PLXDC2: variants seen among roughly 807,000 people sequenced by gnomAD.
PLXDC2 encodes plexin domain containing 2, also known as plexin domain-containing protein 2.
In PLXDC2, 40 loss-of-function variants were observed where a neutral mutation model predicts 68.9. The ratio of observed to expected loss-of-function variants is 0.58; its 90% CI spans 0.45 to 0.76. The LOEUF (loss-of-function observed/expected upper bound fraction) is 0.76, where lower values mean the gene tolerates loss of function less well. Among genes scored for constraint, PLXDC2 ranks in the 30% least tolerant of loss-of-function variants. PLXDC2 has a pLI of 0.00. For synonymous variants in PLXDC2, 243 were observed against 234.2 expected (o/e 1.04, Z -0.34); for missense variants, 644 against 661.9 (o/e 0.97, Z 0.30).
rs986784306 is a variant in PLXDC2, at chr10:19,972,729, G to A, written c.113-29046G>A. 3.9e-5 allele frequency among the ~76,000 whole-genome samples: 6 copies of A among 152,290 alleles called. No individual in the cohort carries two copies. In the East Asian group the frequency reaches 7.7e-4, roughly 20 times the overall value. ...ATGGATACAGGGGCACAGTTGAGCT[G>A]TTAAAATAGGGAAGAGTTATTTTTA... On this transcript the variant is annotated intron_variant, in intron 1 of 13. Coordinates refer to ENST00000377252, the MANE Select transcript of PLXDC2 (RefSeq NM_032812.9).
intron 4 of PLXDC2, among the ~76,000 whole-genome samples, chr10:20,105,191 G>A (rs947806119): frequency 7.2e-5 from 11 of 151,972 alleles, no homozygotes; most frequent in African/African-American, 2.4e-4. Flanking sequence ...GCCTTTTATT[G>A]GCATATGGTG....
At chr10:20,268,009 G>A (rs1396407834) in intron 13 of PLXDC2, among the ~76,000 whole-genome samples, 2 of 152,060 alleles carry the variant, frequency 1.3e-5, no homozygotes, top group African/African-American at 4.8e-5. Flanking sequence ...GTAAAGGACA[G>A]TAATGAATAT....
rs1018702300 is a variant in PLXDC2, at chr10:20,287,301, A to G, written c.*7482A>G. 2.6e-5 allele frequency: 4 copies of G among 152,174 alleles called. No homozygotes were observed. Among genetic ancestry groups the G allele is most frequent in the Non-Finnish European group, 5.9e-5 (4 of 68,034 alleles). The allele number at this position is 152,174 out of a possible 1,614,324, so 9.4% of individuals were successfully genotyped here. A position where few individuals can be genotyped will look rare whatever the true frequency, so the allele number is the denominator to read the frequency against. On this transcript the variant is annotated 3_prime_UTR_variant, in exon 14 of 14. Transcript: ENST00000377252. ...AGAATTAGTGAATGACCAAAAAGAGACTTTCCATTTATCTTCCTTTGACTT... is the reference window on the plus strand; with the variant it reads ...AGAATTAGTGAATGACCAAAAAGAGGCTTTCCATTTATCTTCCTTTGACTT...
At chr10:20,237,483 T>A (rs959909691) in intron 12 of PLXDC2, among the ~76,000 whole-genome samples, 4 of 152,050 alleles carry the variant, frequency 2.6e-5, no homozygotes, top group Non-Finnish European at 4.4e-5. Context: ...GTTAAAGAGG[T>A]AAGAGAGAAA....
chr10:19,967,357 G>A (rs982803793), intron 1 of PLXDC2, among the ~76,000 whole-genome samples: 8 of 151,982 alleles, frequency 5.3e-5, no homozygotes, highest in Non-Finnish European at 1.2e-4. Flanking sequence ...GAAAGGATAG[G>A]AACTGCACTG....
At chr10:19,915,466 A>G (rs901212759) in intron 1 of PLXDC2, among the ~76,000 whole-genome samples, 79 of 152,326 alleles carry the variant, frequency 5.2e-4, no homozygotes, top group African/African-American at 1.8e-3. Context: ...GAACTACATT[A>G]CAATATATAA....
At chr10:19,939,731 A>G (rs1265232938) in intron 1 of PLXDC2, among the ~76,000 whole-genome samples, 1 of 152,208 alleles carries the variant, frequency 6.6e-6, no homozygotes, top group African/African-American at 2.4e-5. Context: ...CTTCCTTCAT[A>G]TAATGATGTG....
chr10:19,932,882 G>T (rs79509322), intron 1 of PLXDC2, among the ~76,000 whole-genome samples: 1 of 152,088 alleles, frequency 6.6e-6, no homozygotes, highest in Non-Finnish European at 1.5e-5. Flanking sequence ...CATGACTTTG[G>T]GTCAAGTAGA....
rs779946492 is a variant in PLXDC2 at position 20,039,379 on chromosome 10, G to T, written c.325-7490G>T. ...ATGCTGATTTTATTTACGGCAATTA[G>T]TAAAAAAAATTGCACTCTACAGCAG... is the stretch of plus-strand genomic sequence containing the variant. On this transcript the variant is annotated intron_variant, in intron 2 of 13. Coordinates refer to ENST00000377252, the MANE Select transcript of PLXDC2 (RefSeq NM_032812.9). Among the ~76,000 whole-genome samples the T allele has an allele frequency of 3.7e-4, 56 of 152,060 alleles. 1 individual carries two copies. Among genetic ancestry groups the T allele is most frequent in the Non-Finnish European group, 1.3e-4 (9 of 68,022 alleles).
chr10:20,141,173 A>G lies in PLXDC2; in HGVS notation c.542-2122A>G, dbSNP rs182521909. On this transcript the variant is annotated intron_variant, in intron 4 of 13. Coordinates refer to ENST00000377252, the MANE Select transcript of PLXDC2 (RefSeq NM_032812.9). ...AGATTTGGGAAACATTTTCCCGATC[A>G]AAAGAAATAACAGTTAATGGTTTCT... is the stretch of plus-strand genomic sequence containing the variant. 6.5e-4 allele frequency among the ~76,000 whole-genome samples: 99 copies of G among 152,270 alleles called. 1 individual carries two copies. Among genetic ancestry groups the G allele is most frequent in the Admixed American group, 1.8e-3 (28 of 15,298 alleles).
intron 12 of PLXDC2, among the ~76,000 whole-genome samples, chr10:20,224,923 C>T (rs577002260): frequency 3.9e-5 from 6 of 152,146 alleles, no homozygotes; most frequent in East Asian, 1.9e-4. Flanking sequence ...CTTATTGCTG[C>T]GAAGTTTATG....
intron 4 of PLXDC2, among the ~76,000 whole-genome samples, chr10:20,105,329 T>G (rs1450703935): frequency 4.6e-5 from 7 of 152,180 alleles, no homozygotes; most frequent in Non-Finnish European, 1.0e-4. Context: ...ATAACCACAA[T>G]GTACAATGTC....
chr10:19,882,656 A>G (rs1837749990), intron 1 of PLXDC2, among the ~76,000 whole-genome samples: 1 of 152,162 alleles, frequency 6.6e-6, no homozygotes, highest in African/African-American at 2.4e-5. Flanking sequence ...ACAAATGTTA[A>G]GTTCTGAACT....
chr10:19,880,319 C>T (rs1051525191), intron 1 of PLXDC2, among the ~76,000 whole-genome samples: 18 of 152,228 alleles, frequency 1.2e-4, no homozygotes, highest in African/African-American at 4.3e-4. Flanking sequence ...TCCCTGAAAG[C>T]TCAGATAGAA....
chr10:19,873,142 C>G (rs1274273223), intron 1 of PLXDC2, among the ~76,000 whole-genome samples: 1 of 152,116 alleles, frequency 6.6e-6, no homozygotes, highest in Non-Finnish European at 1.5e-5. Flanking sequence ...CGATGTTTGT[C>G]CATGGAGTTC....
At position 19,890,190 on chromosome 10, in the gene PLXDC2, G is replaced by T. The variant is rs374342725; in HGVS notation, c.112+72999G>T. On this transcript the variant is annotated intron_variant, in intron 1 of 13. Transcript: ENST00000377252. ...TAATTCCTTTAAACTCCATAGTCAT[G>T]ATAGAGAACTGCTTTTTTCATTTTG... 6.6e-5 allele frequency among the ~76,000 whole-genome samples: 10 copies of T among 152,246 alleles called. No homozygotes were observed. The East Asian group carries it at 1.5e-3, about 23-fold the overall frequency.
At chr10:20,039,249 T>C (rs1035765042) in intron 2 of PLXDC2, among the ~76,000 whole-genome samples, 2 of 152,218 alleles carry the variant, frequency 1.3e-5, no homozygotes, top group African/African-American at 4.8e-5. Flanking sequence ...GATTTGGTGA[T>C]GTTTCTATAA....
intron 1 of PLXDC2, among the ~76,000 whole-genome samples, chr10:19,959,678 CCTGGGGTCTATGTATCA>C (rs1834124476): frequency 6.6e-6 from 1 of 152,066 alleles, no homozygotes. Context: ...CAATTTAAAA[CCTGGGGTCTATGTATCA>C]CTTATAAACT....
At chr10:20,049,062 A>G (rs1217591535) in intron 3 of PLXDC2, among the ~76,000 whole-genome samples, 2 of 152,132 alleles carry the variant, frequency 1.3e-5, no homozygotes, top group African/African-American at 2.4e-5. Context: ...TGCCATTGTC[A>G]TAGCTTGGGT....
Sources: allele counts gnomAD v4.1 joint callset (sites outside exome capture counted in the v4.1 genomes callset), GRCh38; gene constraint gnomAD v4.1.1; transcripts MANE v1.5; gene names NCBI Gene and HGNC (gene_info 2026-07-23, HGNC 2026-07-21).